FSTL5: variants seen among roughly 807,000 people sequenced by gnomAD.
FSTL5 encodes the protein follistatin-related protein 5.
A neutral mutation model predicts 89.1 loss-of-function variants in FSTL5; 62 were observed. The ratio of observed to expected loss-of-function variants is 0.70; its 90% CI spans 0.57 to 0.86. FSTL5 has a LOEUF of 0.86. Among genes scored for constraint, FSTL5 ranks in the 40% least tolerant of loss-of-function variants. The probability of loss-of-function intolerance (pLI) is 0.00; values close to 1 mark genes in which losing one functional copy is unlikely to be tolerated. For missense variants in FSTL5, 1,057 were observed against 1,001.6 expected (o/e 1.06, Z -0.75); for synonymous variants, 383 against 346.2 (o/e 1.11, Z -1.18).
At chr4:162,112,609 G>T (rs148158304) in intron 1 of FSTL5, among the ~76,000 whole-genome samples, 154 of 152,178 alleles carry the variant, frequency 1.0e-3, no homozygotes, top group African/African-American at 3.6e-3. Flanking sequence ...GGCAGAAATG[G>T]CCTGTGTTTG....
chr4:161,687,927 C>T (rs556372927), intron 6 of FSTL5, among the ~76,000 whole-genome samples: 72 of 152,292 alleles, frequency 4.7e-4, no homozygotes, highest in African/African-American at 1.5e-3. Context: ...AAAAGGCTTA[C>T]GGAAGTGAGT....
intron 8 of FSTL5, among the ~76,000 whole-genome samples, chr4:161,578,221 T>C (rs952151662): frequency 6.6e-6 from 1 of 151,974 alleles, no homozygotes; most frequent in African/African-American, 2.4e-5. Flanking sequence ...GGTTTAAAGA[T>C]TTAAAGGAAA....
intron 10 of FSTL5, among the ~76,000 whole-genome samples, chr4:161,535,264 C>A (rs1022639718): frequency 6.6e-6 from 1 of 151,852 alleles, no homozygotes; most frequent in East Asian, 1.9e-4. Flanking sequence ...TTCTGTACAG[C>A]AAAAGAAATT....
intron 8 of FSTL5, among the ~76,000 whole-genome samples, chr4:161,543,225 C>T (rs1338368246): frequency 1.3e-5 from 2 of 151,788 alleles, no homozygotes; most frequent in Non-Finnish European, 2.9e-5. Context: ...TCACCAAAGA[C>T]ATGCAAAACT....
At chr4:161,616,719 G>A (rs1214891254) in intron 7 of FSTL5, among the ~76,000 whole-genome samples, 1 of 151,908 alleles carries the variant, frequency 6.6e-6, no homozygotes, top group East Asian at 1.9e-4. Context: ...GGTGCAGTGG[G>A]GTGAAGAGGA....
At chr4:162,107,118 G>A (rs1275720252) in intron 2 of FSTL5, among the ~76,000 whole-genome samples, 1 of 152,110 alleles carries the variant, frequency 6.6e-6, no homozygotes, top group East Asian at 1.9e-4. Flanking sequence ...CATGAATGTG[G>A]GGAGAACAGG....
At chr4:161,726,901 C>CAAAA (rs752981511) in intron 6 of FSTL5, among the ~76,000 whole-genome samples, 1 of 142,694 alleles carries the variant, frequency 7.0e-6, no homozygotes, top group Admixed American at 6.9e-5. Flanking sequence ...TCCCAAAGAG[C>CAAAA]AAAAAAAAAA....
chr4:161,703,116 AG>A (rs1251336409), intron 6 of FSTL5, among the ~76,000 whole-genome samples: 5 of 152,114 alleles, frequency 3.3e-5, no homozygotes, highest in African/African-American at 1.2e-4. Context: ...CAAAGGAGAG[AG>A]GCCTCAGGAG....
At chr4:161,579,979 C>A (rs1378351143) in intron 8 of FSTL5, among the ~76,000 whole-genome samples, 1 of 151,992 alleles carries the variant, frequency 6.6e-6, no homozygotes, top group Non-Finnish European at 1.5e-5. Context: ...ATTATAAGGG[C>A]AGAAGAATTT....
At chr4:161,857,126 G>A (rs1277029581) in intron 4 of FSTL5, among the ~76,000 whole-genome samples, 1 of 152,110 alleles carries the variant, frequency 6.6e-6, no homozygotes, top group African/African-American at 2.4e-5. Context: ...CTTTTGACAA[G>A]GTCATTGTGA....
chr4:162,089,632 C>CAAAA (rs755573032), intron 2 of FSTL5, among the ~76,000 whole-genome samples: 22 of 42,520 alleles, frequency 5.2e-4, no homozygotes, highest in African/African-American at 8.0e-4. Context: ...GAATCTGTCT[C>CAAAA]AAAAAAAAAA....
intron 7 of FSTL5, among the ~76,000 whole-genome samples, chr4:161,619,461 C>A (rs1159771771): frequency 5.9e-5 from 9 of 152,098 alleles, no homozygotes; most frequent in Non-Finnish European, 1.3e-4. Flanking sequence ...GGCTAATATC[C>A]AGAATCTACA....
intron 6 of FSTL5, among the ~76,000 whole-genome samples, chr4:161,739,852 T>TA (rs34519918): frequency 0.57 from 84,915 of 149,604 alleles, 27,555 homozygotes; most frequent in Non-Finnish European, 0.73. Flanking sequence ...TCCACAGAAG[T>TA]AAAAAAAAAA....
chr4:161,553,043 C>T (rs1024723788), intron 8 of FSTL5, among the ~76,000 whole-genome samples: 1 of 151,516 alleles, frequency 6.6e-6, no homozygotes, highest in African/African-American at 2.4e-5. Flanking sequence ...ATTTAGGATC[C>T]AATTTGCATG....
At chr4:161,797,421 A>G (rs532849360) in intron 4 of FSTL5, among the ~76,000 whole-genome samples, 9 of 151,790 alleles carry the variant, frequency 5.9e-5, no homozygotes, top group African/African-American at 2.2e-4. Context: ...ACTTATTGAT[A>G]TTCAGTACAG....
chr4:161,676,338 T>A (rs1737299087), intron 6 of FSTL5, among the ~76,000 whole-genome samples: 1 of 151,190 alleles, frequency 6.6e-6, no homozygotes, highest in Non-Finnish European at 1.5e-5. Context: ...AAAGGATGAG[T>A]TTATGTTCTT....
intron 8 of FSTL5, among the ~76,000 whole-genome samples, chr4:161,556,640 A>T (rs531270723): frequency 6.6e-6 from 1 of 151,566 alleles, no homozygotes; most frequent in African/African-American, 2.4e-5. Context: ...TCACGACAAT[A>T]TTGTTGAAGA....
At chr4:161,848,623 A>G (rs966116552) in intron 4 of FSTL5, among the ~76,000 whole-genome samples, 8 of 151,708 alleles carry the variant, frequency 5.3e-5, no homozygotes, top group African/African-American at 1.5e-4. Flanking sequence ...TTTTTTTTGC[A>G]ATGCGAATAA....
intron 5 of FSTL5, among the ~76,000 whole-genome samples, chr4:161,771,690 T>A (rs925385140): frequency 1.3e-5 from 2 of 152,160 alleles, no homozygotes; most frequent in Admixed American, 1.3e-4. Context: ...CCTGTTTTAA[T>A]CCTTCCATAT....
Sources: gnomAD v4.1 joint callset for allele counts (sites outside exome capture counted in the v4.1 genomes callset) on GRCh38, gnomAD v4.1.1 for gene constraint, MANE v1.5 for transcripts, NCBI Gene and HGNC (gene_info 2026-07-23, HGNC 2026-07-21) for gene names.